The following IQCM variants were observed in gnomAD, a reference collection of about 807,000 sequenced individuals.
IQCM encodes the protein IQ motif containing M, also known as IQ domain-containing protein M.
Under a neutral mutation model 57.6 loss-of-function variants are expected in IQCM, and 45 were observed. The observed-to-expected ratio is 0.78, with a 90% confidence interval of 0.62 to 1.00. The LOEUF is 1.00. IQCM is among the 50% of genes least tolerant of loss of function. IQCM has a pLI of 0.00. For synonymous variants in IQCM, 148 were observed against 158.9 expected, an observed-to-expected ratio of 0.93 and a Z score of 0.51; for missense variants, 468 against 511.6, an observed-to-expected ratio of 0.91 and a Z score of 0.82.
intron 2 of IQCM, among the ~76,000 whole-genome samples, chr4:149,776,032 A>G (rs1281827009): frequency 6.6e-6 from 1 of 152,196 alleles, no homozygotes; most frequent in African/African-American, 2.4e-5. Flanking sequence ...AAATTAAGCC[A>G]GAATTTGAGA....
intron 9 of IQCM, among the ~76,000 whole-genome samples, chr4:149,579,163 T>A (rs556601756): frequency 6.6e-6 from 1 of 151,852 alleles, no homozygotes; most frequent in South Asian, 2.1e-4. Context: ...CTACACCTTC[T>A]TCTTGAACTA....
chr4:149,591,528 T>A (rs963007759), intron 8 of IQCM, among the ~76,000 whole-genome samples: 2 of 152,174 alleles, frequency 1.3e-5, no homozygotes, highest in Admixed American at 1.3e-4. Flanking sequence ...TGTATACATG[T>A]GCCATAATGG....
intron 12 of IQCM, among the ~76,000 whole-genome samples, chr4:149,475,147 A>G (rs1740045370): frequency 6.6e-6 from 1 of 152,188 alleles, no homozygotes; most frequent in South Asian, 2.1e-4. Context: ...TGAGGATGCT[A>G]TTGCAGTAAT....
At chr4:149,443,550 T>C (rs1302044836) in intron 12 of IQCM, among the ~76,000 whole-genome samples, 1 of 151,876 alleles carries the variant, frequency 6.6e-6, no homozygotes, top group Non-Finnish European at 1.5e-5. Context: ...TCAGAAAATA[T>C]AGCACCTACA....
At chr4:149,638,935 TTTTGCCTGCTTCTAAGTCCTAAACTGG>T (rs1757952108) in intron 7 of IQCM, among the ~76,000 whole-genome samples, 1 of 49,216 alleles carries the variant, frequency 2.0e-5, no homozygotes, top group African/African-American at 1.1e-4. Context: ...TGGCAAAAAG[TTTTGCCTGCTTCTAAGTCCTAAACTGG>T]CAAAACTAAA....
chr4:149,378,366 T>C (rs553189739), intron 13 of IQCM, among the ~76,000 whole-genome samples: 155 of 152,210 alleles, frequency 1.0e-3, no homozygotes, highest in Admixed American at 0.01. Context: ...GTGCGAAAGT[T>C]TGGAAATCCC....
chr4:149,750,999 G>A (rs2149934272), intron 2 of IQCM, among the ~76,000 whole-genome samples: 1 of 152,218 alleles, frequency 6.6e-6, no homozygotes, highest in Middle Eastern at 3.4e-3. Flanking sequence ...CTATAAACTT[G>A]TAAAAACTAG....
intron 12 of IQCM, among the ~76,000 whole-genome samples, chr4:149,482,738 C>CT (rs767893491): frequency 2.4e-3 from 338 of 137,972 alleles, no homozygotes; most frequent in South Asian, 5.1e-3. Context: ...CTGAAGTTTT[C>CT]TTTTTTTTTT....
At chr4:149,761,049 A>T (rs1277364015) in intron 2 of IQCM, among the ~76,000 whole-genome samples, 1 of 152,146 alleles carries the variant, frequency 6.6e-6, no homozygotes, top group East Asian at 1.9e-4. Context: ...TTCTAAAATC[A>T]CAATATAAAG....
chr4:149,379,192 C>T (rs765614446), intron 13 of IQCM, among the ~76,000 whole-genome samples: 1 of 152,244 alleles, frequency 6.6e-6, no homozygotes, highest in Non-Finnish European at 1.5e-5. Context: ...GATGGAGAAC[C>T]TCTGCTAGGG....
intron 7 of IQCM, among the ~76,000 whole-genome samples, chr4:149,661,918 G>A (rs1025802469): frequency 4.6e-5 from 7 of 151,682 alleles, no homozygotes; most frequent in African/African-American, 7.3e-5. Context: ...TCTTTTGAAT[G>A]GTTTTCAGTC....
At chr4:149,724,894 A>G (rs1023175407) in intron 5 of IQCM, among the ~76,000 whole-genome samples, 2 of 151,996 alleles carry the variant, frequency 1.3e-5, no homozygotes, top group African/African-American at 4.8e-5. Context: ...AATTTCTAAT[A>G]GTCAATCATT....
intron 8 of IQCM, among the ~76,000 whole-genome samples, chr4:149,619,260 T>C (rs1756100434): frequency 6.6e-6 from 1 of 152,030 alleles, no homozygotes; most frequent in South Asian, 2.1e-4. Context: ...CCACATGTTC[T>C]CATTCGTAAG....
chr4:149,485,192 A>G (rs1469761254), intron 12 of IQCM, among the ~76,000 whole-genome samples: 1 of 151,896 alleles, frequency 6.6e-6, no homozygotes. Flanking sequence ...TTAGTCTTCT[A>G]TGGGTTAAAT....
intron 2 of IQCM, among the ~76,000 whole-genome samples, chr4:149,777,791 G>A (rs781153655): frequency 6.6e-6 from 1 of 152,144 alleles, no homozygotes; most frequent in Non-Finnish European, 1.5e-5. Context: ...GAGGCGGCAC[G>A]CTAGCTAGGG....
At chr4:149,486,486 C>G (rs772745238) in intron 12 of IQCM, among the ~76,000 whole-genome samples, 11 of 152,210 alleles carry the variant, frequency 7.2e-5, no homozygotes, top group Non-Finnish European at 1.2e-4. Context: ...CTGTGGCTCA[C>G]GCCTGTAATC....
At chr4:149,663,768 T>C (rs1760443990) in intron 7 of IQCM, among the ~76,000 whole-genome samples, 2 of 152,108 alleles carry the variant, frequency 1.3e-5, no homozygotes, top group Admixed American at 1.3e-4. Flanking sequence ...ATTCTCTGTG[T>C]TTGACATTTG....
At chr4:149,603,188 A>T (rs1579661066) in intron 8 of IQCM, among the ~76,000 whole-genome samples, 2 of 152,264 alleles carry the variant, frequency 1.3e-5, no homozygotes, top group Non-Finnish European at 2.9e-5. Context: ...TGTTATAGTA[A>T]TTATGGTTGA....
At chr4:149,479,256 C>T (rs1421126128) in intron 12 of IQCM, among the ~76,000 whole-genome samples, 1 of 152,112 alleles carries the variant, frequency 6.6e-6, no homozygotes, top group Non-Finnish European at 1.5e-5. Flanking sequence ...CGTTTATTTT[C>T]AAAAGATTCC....
Sources: gnomAD v4.1 joint callset for allele counts (sites outside exome capture counted in the v4.1 genomes callset) on GRCh38, gnomAD v4.1.1 for gene constraint, MANE v1.5 for transcripts, NCBI Gene and HGNC (gene_info 2026-07-23, HGNC 2026-07-21) for gene names.